PDZRN4: variants seen among roughly 807,000 people sequenced by gnomAD.
PDZRN4 encodes PDZ domain containing ring finger 4.
A neutral mutation model predicts 99.0 loss-of-function variants in PDZRN4; 70 were observed. The observed-to-expected ratio is 0.71, with a 90% confidence interval of 0.58 to 0.86. The LOEUF is 0.86. Among genes scored for constraint, PDZRN4 ranks in the 40% least tolerant of loss-of-function variants. PDZRN4 has a pLI of 0.00. For missense variants in PDZRN4, 1,474 were observed against 1,331.2 expected, an observed-to-expected ratio of 1.11 and a Z score of -1.67; for synonymous variants, 551 against 501.6, an observed-to-expected ratio of 1.10 and a Z score of -1.32.
chr12:41,423,079 C>G (rs1356274358), intron 3 of PDZRN4, among the ~76,000 whole-genome samples: 1 of 151,986 alleles, frequency 6.6e-6, no homozygotes, highest in African/African-American at 2.4e-5. Flanking sequence ...GTTTTTATTT[C>G]TTGAGTGTTG....
At chr12:41,217,543 A>G (rs1950929505) in intron 3 of PDZRN4, among the ~76,000 whole-genome samples, 1 of 152,078 alleles carries the variant, frequency 6.6e-6, no homozygotes, top group Non-Finnish European at 1.5e-5. Context: ...TTAGATAGTA[A>G]TGCCAAATTT....
intron 3 of PDZRN4, among the ~76,000 whole-genome samples, chr12:41,327,982 C>T (rs1264309387): frequency 6.6e-6 from 1 of 151,894 alleles, no homozygotes; most frequent in Admixed American, 6.6e-5. Context: ...TGGGACATGG[C>T]TGATATTAGC....
intron 5 of PDZRN4, among the ~76,000 whole-genome samples, chr12:41,537,527 A>G (rs997293819): frequency 1.1e-4 from 16 of 152,110 alleles, no homozygotes; most frequent in African/African-American, 3.9e-4. Flanking sequence ...AGGTCGTCAG[A>G]TGTGTGAGTG....
intron 3 of PDZRN4, among the ~76,000 whole-genome samples, chr12:41,485,146 T>A (rs888192043): frequency 6.6e-6 from 1 of 152,130 alleles, no homozygotes; most frequent in Admixed American, 6.6e-5. Flanking sequence ...TAATACTATG[T>A]GTTGTATTTC....
chr12:41,457,247 G>A (rs895486294), intron 3 of PDZRN4, among the ~76,000 whole-genome samples: 14 of 152,106 alleles, frequency 9.2e-5, no homozygotes, highest in African/African-American at 3.4e-4. Flanking sequence ...TATCCTCCAT[G>A]AAAGTTTAAC....
At chr12:41,326,601 C>A (rs1951711061) in intron 3 of PDZRN4, among the ~76,000 whole-genome samples, 1 of 152,088 alleles carries the variant, frequency 6.6e-6, no homozygotes, top group Non-Finnish European at 1.5e-5. Flanking sequence ...CCAGCCTCAG[C>A]AAGGGCGAGA....
intron 3 of PDZRN4, among the ~76,000 whole-genome samples, chr12:41,349,882 T>A (rs1260707572): frequency 6.6e-6 from 1 of 151,958 alleles, no homozygotes; most frequent in Non-Finnish European, 1.5e-5. Context: ...GGAGTGTCCT[T>A]GAGCTAATTA....
chr12:41,468,369 A>T (rs1952950255), intron 3 of PDZRN4, among the ~76,000 whole-genome samples: 1 of 152,198 alleles, frequency 6.6e-6, no homozygotes, highest in Non-Finnish European at 1.5e-5. Flanking sequence ...CATAGGAGGG[A>T]ATGTTTTCCC....
rs181829203 is a variant in PDZRN4 at position 41,561,745 on chromosome 12, A to G, written c.1366-1803A>G. 9.2e-5 allele frequency among the ~76,000 whole-genome samples: 14 copies of G among 152,048 alleles called. No homozygotes were observed. In the East Asian group the frequency reaches 1.7e-3, roughly 19 times the overall value. On this transcript the variant is annotated intron_variant, in intron 7 of 9. Transcript: ENST00000402685. The stretch of plus-strand genomic sequence containing the variant: ...TTCTCTTAGGATCAGATGTGCCTGT[A>G]GTGGAGAGGAGATGAATAAACAGGT...
chr12:41,284,833 C>T (rs1951412052), intron 3 of PDZRN4, among the ~76,000 whole-genome samples: 1 of 152,126 alleles, frequency 6.6e-6, no homozygotes, highest in Non-Finnish European at 1.5e-5. Context: ...GGACCCCTTG[C>T]TTACACCTTA....
At chr12:41,490,422 T>C (rs1198070371) in intron 3 of PDZRN4, among the ~76,000 whole-genome samples, 1 of 152,102 alleles carries the variant, frequency 6.6e-6, no homozygotes, top group Non-Finnish European at 1.5e-5. Context: ...TCTCAGCGTG[T>C]CTAAATGGGC....
intron 3 of PDZRN4, among the ~76,000 whole-genome samples, chr12:41,431,532 G>A (rs192711034): frequency 4.3e-4 from 65 of 152,184 alleles, no homozygotes; most frequent in Non-Finnish European, 7.1e-4. Context: ...ACCTTATTTC[G>A]TCTTCACAGT....
At chr12:41,547,424 G>C (rs984956689) in intron 5 of PDZRN4, among the ~76,000 whole-genome samples, 1 of 152,116 alleles carries the variant, frequency 6.6e-6, no homozygotes, top group African/African-American at 2.4e-5. Flanking sequence ...TCAGGAGTTT[G>C]AGACCAACCT....
chr12:41,305,819 A>C (rs538639041), intron 3 of PDZRN4, among the ~76,000 whole-genome samples: 1 of 152,200 alleles, frequency 6.6e-6, no homozygotes, highest in Non-Finnish European at 1.5e-5. Flanking sequence ...CATCTTGACA[A>C]TGTTAAGACA....
chr12:41,493,051 C>T (rs535146450), intron 3 of PDZRN4, among the ~76,000 whole-genome samples: 1 of 152,286 alleles, frequency 6.6e-6, no homozygotes, highest in African/African-American at 2.4e-5. Context: ...CTATGCTAAG[C>T]TCATCCATCC....
chr12:41,535,738 G>A (rs927756403), intron 5 of PDZRN4, among the ~76,000 whole-genome samples: 2 of 152,088 alleles, frequency 1.3e-5, no homozygotes, highest in African/African-American at 4.8e-5. Context: ...GGTGCATTTG[G>A]TCCCTTTTTC....
At chr12:41,202,836 C>T (rs1473094985) in intron 3 of PDZRN4, among the ~76,000 whole-genome samples, 1 of 151,892 alleles carries the variant, frequency 6.6e-6, no homozygotes, top group East Asian at 1.9e-4. Context: ...AAATATTTTT[C>T]ATAATTTAGA....
In PDZRN4 at chr12:41,560,609, G is replaced by A. The variant is rs75043995; in HGVS notation, c.1366-2939G>A. Among the ~76,000 whole-genome samples the A allele has an allele frequency of 3.6e-3, 554 of 152,214 alleles. 17 individuals are homozygous for A. The East Asian group carries it at 0.094, about 26-fold the overall frequency. Reference sequence around the variant, plus strand: ...GAAGTCCTCCATTAAGCTATGTGACGTGACTACTCATCTGTCTCCCTCCCT... The same window carrying A: ...GAAGTCCTCCATTAAGCTATGTGACATGACTACTCATCTGTCTCCCTCCCT... On this transcript the variant is annotated intron_variant, in intron 7 of 9. Coordinates refer to ENST00000402685, the MANE Select transcript of PDZRN4 (RefSeq NM_001164595.2).
Position 41,378,681 on chromosome 12 carries a change from C to A in PDZRN4, c.844-127775C>A, listed in dbSNP as rs565181655. On this transcript the variant is annotated intron_variant, in intron 3 of 9. Transcript: ENST00000402685. ...GGGATTACAGGTGCATGCCACCATG[C>A]CCAGCTAGTTTTTCTATTTTTAGTA... is the stretch of plus-strand genomic sequence containing the variant. 1.7e-3 allele frequency among the ~76,000 whole-genome samples: 263 copies of A among 152,076 alleles called. 3 individuals carry two copies. The highest frequency in any genetic ancestry group is 5.7e-3 in the African/African-American group (237 of 41,484).
Sources: allele counts gnomAD v4.1 joint callset (sites outside exome capture counted in the v4.1 genomes callset), GRCh38; gene constraint gnomAD v4.1.1; transcripts MANE v1.5; gene names NCBI Gene and HGNC (gene_info 2026-07-23, HGNC 2026-07-21).